Variants in APTX observed in about 807,000 individuals in gnomAD.
The protein encoded by APTX is forkhead-associated domain histidine triad-like protein.
Under a neutral mutation model 42.3 loss-of-function variants are expected in APTX, and 33 were observed. The observed-to-expected ratio is 0.78, with a 90% confidence interval of 0.59 to 1.04. The LOEUF is 1.04. APTX is among the 50% of genes least tolerant of loss of function. The pLI, the probability that APTX is intolerant of heterozygous loss-of-function variation, is 0.00. For missense variants in APTX, 421 were observed against 415.1 expected, an observed-to-expected ratio of 1.01 and a Z score of -0.12; for synonymous variants, 130 against 146.7, an observed-to-expected ratio of 0.89 and a Z score of 0.82.
chr9:33,024,903 T>C lies in APTX; in HGVS notation c.-5+120A>G, dbSNP rs1021281880. 3 of 139,454 alleles carry C rather than the reference T, an allele frequency of 2.2e-5. No homozygotes were observed. The South Asian group carries it at 7.4e-4, about 35-fold the overall frequency. 8.6% of individuals were successfully genotyped at this position (139,454 alleles called of 1,614,324 possible). ...CAAGACTGTTCCAAGAGCTTTCCCG[T>C]TCACACACAGCTCCCGCTGGGTCAC... On this transcript the variant is annotated intron_variant, in intron 1 of 6. Transcript: ENST00000436040.
intron 6 of APTX, among the ~76,000 whole-genome samples, chr9:32,981,809 C>T (rs941650724): frequency 6.6e-6 from 1 of 152,216 alleles, no homozygotes; most frequent in East Asian, 1.9e-4. Context: ...CAGAACAGCG[C>T]TTTCACACAG....
chr9:32,977,799 C>A (rs1829793971), intron 6 of APTX, among the ~76,000 whole-genome samples: 1 of 151,804 alleles, frequency 6.6e-6, no homozygotes, highest in South Asian at 2.1e-4. Context: ...CCACTGCACT[C>A]CAGCCTGGGC....
intron 3 of APTX, 76 bp downstream of exon 3, chr9:32,988,007 G>T: frequency 6.5e-7 from 1 of 1,543,368 alleles, no homozygotes; most frequent in Non-Finnish European, 9.0e-7. Flanking sequence ...GCCTTCACTG[G>T]CTGGCACAGA....
chr9:33,015,854 C>T (rs921852818), intron 1 of APTX: 4 of 152,248 alleles, frequency 2.6e-5, no homozygotes, highest in Middle Eastern at 3.4e-3. Flanking sequence ...TTCCCTTCAT[C>T]AATTTTTTTC....
chr9:32,977,510 T>G (rs185373893), intron 6 of APTX, among the ~76,000 whole-genome samples: 14 of 148,152 alleles, frequency 9.4e-5, no homozygotes, highest in Middle Eastern at 7.9e-3. Context: ...AAACAAAAAA[T>G]GAATAAAAAA....
At position 32,982,921 on chromosome 9, in the gene APTX, C is replaced by T. The variant is rs547689018; in HGVS notation, c.770+1710G>A. Among the ~76,000 whole-genome samples the T allele has an allele frequency of 3.3e-5, 5 of 152,100 alleles. No homozygotes were observed. In the East Asian group the frequency reaches 7.7e-4, roughly 24 times the overall value. ...ACATCCACCCTATGACCTAACAATT[C>T]CATCTCCAAATATTTATTCTTTTTT... On this transcript the variant is annotated intron_variant, in intron 6 of 7. Coordinates refer to ENST00000379817, the MANE Select transcript of APTX (RefSeq NM_001195248.2).
At chr9:33,020,769 T>C (rs544645692) in intron 1 of APTX, among the ~76,000 whole-genome samples, 2 of 152,388 alleles carry the variant, frequency 1.3e-5, no homozygotes, top group East Asian at 3.8e-4. Flanking sequence ...CAAGCCCTTA[T>C]TACTTTGCTC....
intron 6 of APTX, among the ~76,000 whole-genome samples, chr9:32,976,624 C>T (rs1247295865): frequency 6.6e-6 from 1 of 152,190 alleles, no homozygotes; most frequent in Non-Finnish European, 1.5e-5. Flanking sequence ...CTGCATTATA[C>T]TAACATTTTC....
At chr9:33,024,217 T>C (rs930076534) in intron 1 of APTX, among the ~76,000 whole-genome samples, 3 of 152,234 alleles carry the variant, frequency 2.0e-5, no homozygotes, top group Non-Finnish European at 2.9e-5. Flanking sequence ...TTCACCATGT[T>C]GCTTGGGCTG....
At chr9:33,024,444 C>G (rs751324220) in intron 1 of APTX, among the ~76,000 whole-genome samples, 6 of 152,240 alleles carry the variant, frequency 3.9e-5, no homozygotes, top group Admixed American at 1.3e-4. Flanking sequence ...GATTGTACAT[C>G]CAGGTTCCCT....
chr9:33,001,553 G>A lies in APTX; in HGVS notation c.-5+14C>T. 1 of 1,613,802 alleles carries A rather than the reference G, an allele frequency of 6.2e-7. No homozygotes were observed. The highest frequency in any genetic ancestry group is 8.5e-7 in the Non-Finnish European group (1 of 1,180,030). The stretch of plus-strand genomic sequence containing the variant: ...GCCCAGCCAGCAGAAGAGATAGGCT[G>A]ACGACCGCCTTACCTCCAGAAGTCG... On this transcript the variant is annotated intron_variant, in intron 1 of 7. Coordinates refer to ENST00000379817, the MANE Select transcript of APTX (RefSeq NM_001195248.2).
At chr9:32,996,803 C>T (rs113499849) in intron 1 of APTX, among the ~76,000 whole-genome samples, 5 of 152,232 alleles carry the variant, frequency 3.3e-5, no homozygotes, top group Admixed American at 3.3e-4. Flanking sequence ...GCATCACTGC[C>T]TACGCATTCA....
At chr9:32,978,751 T>C (rs999817929) in intron 6 of APTX, among the ~76,000 whole-genome samples, 1 of 152,176 alleles carries the variant, frequency 6.6e-6, no homozygotes, top group African/African-American at 2.4e-5. Context: ...TCAATATCCA[T>C]GGTGGGGGAC....
At chr9:32,989,534 CT>C in intron 2 of APTX, 3 of 681,610 alleles carry the variant, frequency 4.4e-6, no homozygotes, top group Non-Finnish European at 7.9e-6. Flanking sequence ...ACAGTATGAA[CT>C]TGACTGCTCC....
intron 1 of APTX, chr9:33,020,202 C>T (rs1838265894): frequency 4.4e-6 from 1 of 226,680 alleles, no homozygotes; most frequent in Non-Finnish European, 8.5e-6. Context: ...TGTACTCATT[C>T]AAACCTGGAC....
chr9:33,003,165 T>C (rs1172159877), upstream of APTX, among the ~76,000 whole-genome samples: 5 of 152,180 alleles, frequency 3.3e-5, no homozygotes, highest in Non-Finnish European at 1.5e-5. Context: ...CATCCAAAAG[T>C]TGGATTGGAT....
upstream of APTX, among the ~76,000 whole-genome samples, chr9:33,003,870 C>A (rs974554817): frequency 2.6e-5 from 4 of 152,342 alleles, no homozygotes; most frequent in Admixed American, 2.6e-4. Flanking sequence ...CACTCCATTG[C>A]ATGTACACAC....
intron 1 of APTX, among the ~76,000 whole-genome samples, chr9:33,010,228 C>T (rs17226811): frequency 5.1e-4 from 78 of 152,122 alleles, no homozygotes; most frequent in African/African-American, 1.9e-3. Context: ...TACTAGTCAA[C>T]TGGGAGAGAC....
chr9:33,007,198 T>G (rs1300793085), intron 1 of APTX, among the ~76,000 whole-genome samples: 1 of 151,954 alleles, frequency 6.6e-6, no homozygotes, highest in Non-Finnish European at 1.5e-5. Context: ...AGATTATTCT[T>G]TTAGAGTTGC....
Sources: allele counts gnomAD v4.1 joint callset (sites outside exome capture counted in the v4.1 genomes callset), GRCh38; gene constraint gnomAD v4.1.1; transcripts MANE v1.5; gene names NCBI Gene and HGNC (gene_info 2026-07-23, HGNC 2026-07-21).